FAM117B: variants seen among roughly 807,000 people sequenced by gnomAD.
FAM117B encodes the protein family with sequence similarity 117 member B, also known as protein FAM117B.
Under a neutral mutation model 52.8 loss-of-function variants are expected in FAM117B, and 22 were observed. The ratio of observed to expected loss-of-function variants is 0.42; its 90% confidence interval spans 0.30 to 0.59. FAM117B has a LOEUF of 0.59. Among genes scored for constraint, FAM117B ranks in the 20% least tolerant of loss-of-function variants. FAM117B has a pLI of 0.22. For synonymous variants in FAM117B, 309 were observed against 324.1 expected, an observed-to-expected ratio of 0.95 and a Z score of 0.50; for missense variants, 678 against 802.6, an observed-to-expected ratio of 0.84 and a Z score of 1.88.
chr2:202,746,607 C>A (rs141871171), intron 4 of FAM117B, among the ~76,000 whole-genome samples: 1 of 151,740 alleles, frequency 6.6e-6, no homozygotes. Context: ...TAAAGATAAG[C>A]GTGAACAACT....
At chr2:202,709,772 A>G (rs371185459) in intron 2 of FAM117B, among the ~76,000 whole-genome samples, 1 of 152,194 alleles carries the variant, frequency 6.6e-6, no homozygotes, top group East Asian at 1.9e-4. Context: ...GGAGTTTTAT[A>G]GTTTGTGTCT....
At chr2:202,714,761 C>A (rs1023128847) in intron 2 of FAM117B, among the ~76,000 whole-genome samples, 1 of 152,078 alleles carries the variant, frequency 6.6e-6, no homozygotes, top group Non-Finnish European at 1.5e-5. Flanking sequence ...CTTCAAGCAT[C>A]TGTTTAACAA....
At chr2:202,701,347 C>T (rs1201104830) in intron 2 of FAM117B, among the ~76,000 whole-genome samples, 2 of 152,180 alleles carry the variant, frequency 1.3e-5, no homozygotes. Flanking sequence ...TGCTCATTGG[C>T]AATGCAACTG....
intron 1 of FAM117B, among the ~76,000 whole-genome samples, chr2:202,638,506 G>A (rs1196266098): frequency 2.0e-5 from 3 of 151,978 alleles, no homozygotes; most frequent in Non-Finnish European, 4.4e-5. Flanking sequence ...GTTTTTGAAC[G>A]CTCCCCTTCC....
chr2:202,637,406 C>T (rs1239749395), intron 1 of FAM117B, among the ~76,000 whole-genome samples: 3 of 151,748 alleles, frequency 2.0e-5, no homozygotes, highest in African/African-American at 7.3e-5. Flanking sequence ...TACAGGCACC[C>T]GCCATCATGC....
chr2:202,694,840 G>A (rs1378634058), intron 1 of FAM117B, among the ~76,000 whole-genome samples: 2 of 152,042 alleles, frequency 1.3e-5, no homozygotes, highest in East Asian at 3.9e-4. Context: ...TGTGAAGATT[G>A]AGGAATAAGA....
intron 1 of FAM117B, among the ~76,000 whole-genome samples, chr2:202,691,575 A>G (rs1480423292): frequency 2.0e-5 from 3 of 151,822 alleles, no homozygotes; most frequent in Non-Finnish European, 4.4e-5. Flanking sequence ...TGAAGCAACA[A>G]TGGTCATAGT....
intron 4 of FAM117B, among the ~76,000 whole-genome samples, chr2:202,754,681 G>A (rs1248359184): frequency 6.6e-6 from 1 of 151,862 alleles, no homozygotes; most frequent in East Asian, 1.9e-4. Context: ...AAGGTCAGGA[G>A]TTTGAGACCA....
intron 1 of FAM117B, among the ~76,000 whole-genome samples, chr2:202,671,901 A>G (rs960656094): frequency 2.0e-5 from 3 of 152,196 alleles, no homozygotes; most frequent in South Asian, 2.1e-4. Flanking sequence ...CTTCCAATCA[A>G]TGACTCAGAG....
chr2:202,764,560 A>ATAAT (rs1318332863), intron 7 of FAM117B, among the ~76,000 whole-genome samples: 2 of 152,150 alleles, frequency 1.3e-5, no homozygotes, highest in African/African-American at 4.8e-5. Flanking sequence ...GTGAACCACC[A>ATAAT]TGGCTGGCTG....
intron 1 of FAM117B, among the ~76,000 whole-genome samples, chr2:202,692,456 T>C (rs556007546): frequency 4.6e-5 from 7 of 152,330 alleles, no homozygotes; most frequent in African/African-American, 1.7e-4. Context: ...ATCGAAGATA[T>C]TATGTAGGCA....
chr2:202,635,418 AGGC>A lies in FAM117B; in HGVS notation c.246_248del (p.Gly84del), dbSNP rs565502997. ...GCTGTGGTGGCGCCTCAGGCCCCGCAGGCGGCGGCGGCGGCGGTGGCCCGCGCA... is the reference window on the plus strand; with the variant it reads ...GCTGTGGTGGCGCCTCAGGCCCCGCAGGCGGCGGCGGCGGTGGCCCGCGCA... On this transcript the variant is annotated inframe_deletion, in exon 1 of 8. Coordinates refer to ENST00000392238, the MANE Select transcript of FAM117B (RefSeq NM_173511.4). 2.5e-4 allele frequency: 311 copies of A among 1,237,682 alleles called. No individual in the cohort carries two copies. The highest frequency in any genetic ancestry group is 1.5e-3 in the South Asian group (44 of 29,148). The allele number at this position is 1,237,682 out of a possible 1,614,324, so 76.7% of individuals were successfully genotyped here.
At chr2:202,745,967 A>T (rs190424967) in intron 4 of FAM117B, among the ~76,000 whole-genome samples, 92 of 152,360 alleles carry the variant, frequency 6.0e-4, no homozygotes, top group African/African-American at 2.1e-3. Context: ...GTTAGAGCTT[A>T]AAGAGAGAAA....
At chr2:202,747,964 A>C (rs895043979) in intron 4 of FAM117B, among the ~76,000 whole-genome samples, 17 of 152,184 alleles carry the variant, frequency 1.1e-4, no homozygotes, top group African/African-American at 4.1e-4. Context: ...AGAAGAAACA[A>C]TCCTAAGATT....
chr2:202,705,436 G>A (rs1345569988), intron 2 of FAM117B, among the ~76,000 whole-genome samples: 3 of 152,272 alleles, frequency 2.0e-5, no homozygotes, highest in South Asian at 4.1e-4. Context: ...AGGTTTTACT[G>A]TACATGATTA....
At chr2:202,652,770 G>T (rs1274615906) in intron 1 of FAM117B, among the ~76,000 whole-genome samples, 1 of 152,132 alleles carries the variant, frequency 6.6e-6, no homozygotes, top group African/African-American at 2.4e-5. Flanking sequence ...GAATGCTCCT[G>T]TTCTACTTCA....
intron 2 of FAM117B, among the ~76,000 whole-genome samples, chr2:202,715,050 C>A (rs1174202106): frequency 6.6e-6 from 1 of 152,226 alleles, no homozygotes; most frequent in Non-Finnish European, 1.5e-5. Flanking sequence ...CTGTTGGGTA[C>A]ACCTCCCAGA....
intron 7 of FAM117B, among the ~76,000 whole-genome samples, chr2:202,762,630 T>C (rs1033193001): frequency 3.3e-5 from 5 of 152,134 alleles, no homozygotes; most frequent in Non-Finnish European, 5.9e-5. Context: ...AGTTGAAGAG[T>C]GCTTTGAAGT....
intron 1 of FAM117B, among the ~76,000 whole-genome samples, chr2:202,651,080 T>C (rs1039294840): frequency 2.4e-5 from 3 of 125,498 alleles, no homozygotes; most frequent in East Asian, 2.1e-4. Context: ...TTTTTTTTTT[T>C]AAGACGGAAT....
Sources: gnomAD v4.1 joint callset for allele counts (sites outside exome capture counted in the v4.1 genomes callset) on GRCh38, gnomAD v4.1.1 for gene constraint, MANE v1.5 for transcripts, NCBI Gene and HGNC (gene_info 2026-07-23, HGNC 2026-07-21) for gene names.